Variants in FLNB observed in about 807,000 individuals in gnomAD.
FLNB encodes filamin B, also known as filamin-B.
A neutral mutation model predicts 250.6 loss-of-function variants in FLNB; 111 were observed. The ratio of observed to expected loss-of-function variants is 0.44; its 90% CI spans 0.38 to 0.52. The LOEUF is 0.52. FLNB is among the 20% of genes least tolerant of loss of function. The probability of loss-of-function intolerance (pLI) is 0.00; values close to 1 mark genes in which losing one functional copy is unlikely to be tolerated. For missense variants in FLNB, 2,869 were observed against 3,447.8 expected, an observed-to-expected ratio of 0.83 and a Z score of 4.20; for synonymous variants, 1,302 against 1,372.1, an observed-to-expected ratio of 0.95 and a Z score of 1.13.
At chr3:58,156,721 G>C (rs114584537) in intron 41 of FLNB, among the ~76,000 whole-genome samples, 5,079 of 152,240 alleles carry the variant, frequency 0.033, 119 homozygotes, top group Non-Finnish European at 0.056. Context: ...TGTTGAGGCA[G>C]AGTCTCGCTC....
At chr3:58,031,763 C>T (rs143954989) in intron 1 of FLNB, among the ~76,000 whole-genome samples, 4 of 150,578 alleles carry the variant, frequency 2.7e-5, no homozygotes, top group South Asian at 2.1e-4. Flanking sequence ...AGGCTGGTCT[C>T]GAACCCCTGG....
chr3:58,163,695 A>G, intron 43 of FLNB: 1 of 297,652 alleles, frequency 3.4e-6, no homozygotes, highest in South Asian at 3.6e-5. Context: ...GATGCGTCCA[A>G]GTGGGCTCCT....
intron 32 of FLNB, among the ~76,000 whole-genome samples, chr3:58,145,294 G>C (rs768272097): frequency 6.6e-6 from 1 of 152,236 alleles, no homozygotes; most frequent in South Asian, 2.1e-4. Flanking sequence ...ATAGCAACTT[G>C]CTTTTTTTCT....
chr3:58,087,971 C>T (rs1419461337), intron 4 of FLNB, among the ~76,000 whole-genome samples: 2 of 150,804 alleles, frequency 1.3e-5, no homozygotes, highest in East Asian at 3.9e-4. Flanking sequence ...AACTGCTGAC[C>T]TTGGGTGATC....
chr3:58,019,413 C>T (rs1020896500), intron 1 of FLNB, among the ~76,000 whole-genome samples: 1 of 152,312 alleles, frequency 6.6e-6, no homozygotes, highest in East Asian at 1.9e-4. Context: ...CAGCTGTCTT[C>T]ACTTTGGCTC....
chr3:58,170,818 G>A lies in FLNB; in HGVS notation c.*56G>A, dbSNP rs1464228346. 5.2e-6 allele frequency: 8 copies of A among 1,527,596 alleles called. No individual in the cohort carries two copies. The highest frequency in any genetic ancestry group is 7.2e-6 in the Non-Finnish European group (8 of 1,111,684). 94.6% of individuals were successfully genotyped at this position (1,527,596 alleles called of 1,614,324 possible). On this transcript the variant is annotated 3_prime_UTR_variant, in exon 46 of 46. Coordinates refer to ENST00000295956, the MANE Select transcript of FLNB (RefSeq NM_001457.4). ...TTGTGGTTGCTTTTGTTGCTTGTTTGTAATTCATTTTATACAAAGCCCTCC... is the reference window on the plus strand; with the variant it reads ...TTGTGGTTGCTTTTGTTGCTTGTTTATAATTCATTTTATACAAAGCCCTCC...
At chr3:58,163,357 C>T (rs200056120) in intron 43 of FLNB, 27 bp downstream of exon 43, 15 of 1,611,618 alleles carry the variant, frequency 9.3e-6, no homozygotes, top group African/African-American at 1.3e-5. Context: ...CTTCTTGAAG[C>T]CTTAACTGAA....
chr3:58,113,184 C>G (rs545957600), intron 18 of FLNB, among the ~76,000 whole-genome samples: 6 of 152,122 alleles, frequency 3.9e-5, no homozygotes, highest in Non-Finnish European at 7.4e-5. Flanking sequence ...GCCCTGTATC[C>G]ATTATATTTG....
intron 19 of FLNB, among the ~76,000 whole-genome samples, chr3:58,119,246 A>T (rs1016618210): frequency 6.6e-6 from 1 of 151,960 alleles, no homozygotes; most frequent in African/African-American, 2.4e-5. Context: ...GAGAACACCC[A>T]TGGGAATATT....
chr3:58,106,651 A>G, intron 11 of FLNB, 29 bp from the exon 12 acceptor site: 1 of 1,607,610 alleles, frequency 6.2e-7, no homozygotes, highest in Non-Finnish European at 8.5e-7. Flanking sequence ...CCATATAACC[A>G]GGGAGACCCT....
At position 58,056,139 on chromosome 3, in the gene FLNB, T is replaced by C. The variant is rs570404487; in HGVS notation, c.293-20907T>C. On this transcript the variant is annotated intron_variant, in intron 1 of 45. Transcript: ENST00000295956. ...TTTTTTGAGGTGGAGTCTCACTCTG[T>C]CGCCCAGGCTGAAGTGCAGTGGCAT... 2.6e-5 allele frequency among the ~76,000 whole-genome samples: 4 copies of C among 151,366 alleles called. No homozygotes were observed. In the East Asian group the frequency reaches 7.8e-4, roughly 29 times the overall value.
intron 34 of FLNB, among the ~76,000 whole-genome samples, chr3:58,147,416 C>A (rs1444334592): frequency 6.6e-6 from 1 of 152,202 alleles, no homozygotes; most frequent in East Asian, 1.9e-4. Context: ...GCCAAGTTCA[C>A]ATATAGGTAA....
At chr3:58,102,749 A>G (rs1176627008) in intron 9 of FLNB, among the ~76,000 whole-genome samples, 1 of 152,238 alleles carries the variant, frequency 6.6e-6, no homozygotes, top group Non-Finnish European at 1.5e-5. Flanking sequence ...TGATTTTCCC[A>G]CTACAGGTTA....
chr3:58,016,716 T>G lies in FLNB; in HGVS notation c.292+7860T>G, dbSNP rs2097106305. ...TAGTTTTTTTCTTTTTTCCATATTCTTGTTATTCTGCTTTTAATTTTCATC... is the reference window on the plus strand; with the variant it reads ...TAGTTTTTTTCTTTTTTCCATATTCGTGTTATTCTGCTTTTAATTTTCATC... On this transcript the variant is annotated intron_variant, in intron 1 of 45. Transcript: ENST00000295956. Among the ~76,000 whole-genome samples, 6 of 152,296 alleles carry G rather than the reference T, an allele frequency of 3.9e-5. No homozygotes were observed. The South Asian group carries it at 1.2e-3, about 32-fold the overall frequency.
intron 1 of FLNB, among the ~76,000 whole-genome samples, chr3:58,027,803 A>C (rs943745396): frequency 6.6e-6 from 1 of 152,244 alleles, no homozygotes; most frequent in Non-Finnish European, 1.5e-5. Context: ...CTCACTTGTA[A>C]AACAAATGTA....
intron 1 of FLNB, among the ~76,000 whole-genome samples, chr3:58,048,790 T>G (rs1291261587): frequency 6.6e-6 from 1 of 152,248 alleles, no homozygotes; most frequent in African/African-American, 2.4e-5. Flanking sequence ...TGGTAACACA[T>G]GGCTCTTACA....
chr3:58,170,327 A>T (rs183768221), intron 45 of FLNB, among the ~76,000 whole-genome samples: 188 of 152,202 alleles, frequency 1.2e-3, no homozygotes, highest in African/African-American at 4.4e-3. Flanking sequence ...CTGTTTACAG[A>T]TGGGGAAGCT....
chr3:58,021,370 C>T (rs2097113834), intron 1 of FLNB, among the ~76,000 whole-genome samples: 1 of 152,092 alleles, frequency 6.6e-6, no homozygotes, highest in African/African-American at 2.4e-5. Flanking sequence ...TACAAGATTC[C>T]CTCTCAGCAG....
chr3:58,093,109 TTA>T (rs1249508676), intron 4 of FLNB, among the ~76,000 whole-genome samples: 1 of 152,184 alleles, frequency 6.6e-6, no homozygotes, highest in African/African-American at 2.4e-5. Context: ...CTTCCTCATG[TTA>T]TGTTATTTGC....
Sources: gnomAD v4.1 joint callset for allele counts (sites outside exome capture counted in the v4.1 genomes callset) on GRCh38, gnomAD v4.1.1 for gene constraint, MANE v1.5 for transcripts, NCBI Gene and HGNC (gene_info 2026-07-23, HGNC 2026-07-21) for gene names.